Variants in CNTN4 observed in about 807,000 individuals in gnomAD.
The protein encoded by CNTN4 is contactin 4.
A neutral mutation model predicts 122.5 loss-of-function variants in CNTN4; 77 were observed. The observed-to-expected ratio is 0.63, with a 90% CI of 0.52 to 0.76. The LOEUF (loss-of-function observed/expected upper bound fraction) is 0.76, where lower values mean the gene tolerates loss of function less well. CNTN4 is among the 30% of genes least tolerant of loss of function. The pLI is 0.00. For synonymous variants in CNTN4, 512 were observed against 447.0 expected, an observed-to-expected ratio of 1.15 and a Z score of -1.83; for missense variants, 1,256 against 1,259.1, an observed-to-expected ratio of 1.00 and a Z score of 0.04.
chr3:2,235,439 A>G (rs1345174884), intron 2 of CNTN4, among the ~76,000 whole-genome samples: 1 of 152,146 alleles, frequency 6.6e-6, no homozygotes. Context: ...AAAAATTTTG[A>G]CATTTAACAC....
intron 4 of CNTN4, among the ~76,000 whole-genome samples, chr3:2,621,228 A>C (rs1411387151): frequency 1.3e-5 from 2 of 152,188 alleles, no homozygotes; most frequent in African/African-American, 2.4e-5. Context: ...AACATGCAGC[A>C]AGGGAACTAG....
chr3:2,840,236 GT>G (rs1326025230), intron 7 of CNTN4, among the ~76,000 whole-genome samples: 2 of 152,072 alleles, frequency 1.3e-5, no homozygotes, highest in African/African-American at 4.8e-5. Flanking sequence ...GGTTTCCAGG[GT>G]AACAAAGCCA....
At chr3:2,616,916 G>A (rs145039194) in intron 4 of CNTN4, among the ~76,000 whole-genome samples, 95 of 152,212 alleles carry the variant, frequency 6.2e-4, no homozygotes, top group African/African-American at 2.1e-3. Flanking sequence ...AATAAATGGT[G>A]CTGGGAAAAC....
intron 4 of CNTN4, among the ~76,000 whole-genome samples, chr3:2,681,706 T>C (rs1011410300): frequency 1.3e-5 from 2 of 152,090 alleles, no homozygotes; most frequent in Non-Finnish European, 2.9e-5. Context: ...TATATATTCA[T>C]GTATAAATAT....
intron 7 of CNTN4, among the ~76,000 whole-genome samples, chr3:2,835,461 T>C (rs2093205010): frequency 6.6e-6 from 1 of 152,190 alleles, no homozygotes; most frequent in African/African-American, 2.4e-5. Flanking sequence ...TATTTTCTCT[T>C]TAAGCACTTC....
At chr3:2,316,164 T>G (rs2043090683) in intron 2 of CNTN4, among the ~76,000 whole-genome samples, 1 of 152,074 alleles carries the variant, frequency 6.6e-6, no homozygotes, top group African/African-American at 2.4e-5. Context: ...TATGGTGAAA[T>G]GAACAAATTA....
intron 3 of CNTN4, among the ~76,000 whole-genome samples, chr3:2,380,738 A>G (rs549709842): frequency 6.6e-6 from 1 of 152,066 alleles, no homozygotes; most frequent in South Asian, 2.1e-4. Flanking sequence ...ATTTTACATA[A>G]GAACGAATAA....
intron 2 of CNTN4, among the ~76,000 whole-genome samples, chr3:2,294,978 T>C (rs1463689556): frequency 4.6e-5 from 7 of 152,124 alleles, no homozygotes; most frequent in African/African-American, 1.7e-4. Flanking sequence ...GTTTCCAATT[T>C]CATCCATGTC....
intron 6 of CNTN4, among the ~76,000 whole-genome samples, chr3:2,755,778 T>A (rs1187356403): frequency 6.6e-6 from 1 of 152,142 alleles, no homozygotes; most frequent in Non-Finnish European, 1.5e-5. Context: ...ATGATATATA[T>A]ATGAAAATTG....
intron 3 of CNTN4, among the ~76,000 whole-genome samples, chr3:2,429,883 A>T (rs559885455): frequency 9.0e-4 from 137 of 152,224 alleles, no homozygotes; most frequent in African/African-American, 3.2e-3. Context: ...CCTCCAAGCC[A>T]CGCGCGGGAT....
intron 2 of CNTN4, among the ~76,000 whole-genome samples, chr3:2,295,942 C>G (rs1005633459): frequency 2.6e-5 from 4 of 152,174 alleles, no homozygotes; most frequent in Non-Finnish European, 5.9e-5. Context: ...GGAATCCTTT[C>G]CGCATTTCTT....
chr3:2,597,891 A>T (rs1010260260), intron 4 of CNTN4, among the ~76,000 whole-genome samples: 1 of 152,198 alleles, frequency 6.6e-6, no homozygotes, highest in Non-Finnish European at 1.5e-5. Context: ...AACAATCTGT[A>T]TGTAGGAGGA....
chr3:2,685,437 T>C (rs1188842680), intron 4 of CNTN4, among the ~76,000 whole-genome samples: 1 of 152,178 alleles, frequency 6.6e-6, no homozygotes. Context: ...TTCTTGCATC[T>C]AGTTTTATTT....
At chr3:2,468,544 G>A (rs1330103327) in intron 3 of CNTN4, among the ~76,000 whole-genome samples, 1 of 152,144 alleles carries the variant, frequency 6.6e-6, no homozygotes, top group East Asian at 1.9e-4. Flanking sequence ...GATCTACAGA[G>A]AAGACTACAT....
At chr3:2,217,553 A>G (rs894558364) in intron 2 of CNTN4, among the ~76,000 whole-genome samples, 4 of 152,232 alleles carry the variant, frequency 2.6e-5, no homozygotes, top group African/African-American at 4.8e-5. Context: ...CAGGAGTACA[A>G]GATATTCCAA....
chr3:2,437,453 T>C (rs891376729), intron 3 of CNTN4, among the ~76,000 whole-genome samples: 1 of 152,200 alleles, frequency 6.6e-6, no homozygotes, highest in Non-Finnish European at 1.5e-5. Context: ...CCCTTTATAT[T>C]GTGAAATTTA....
At position 2,597,761 on chromosome 3, in the gene CNTN4, T is replaced by C. The variant is rs567817414; in HGVS notation, c.55+26203T>C. On this transcript the variant is annotated intron_variant, in intron 4 of 24. Transcript: ENST00000418658. ...TGAGAAAACTGGACTTTCTCAAGCC[T>C]GAGGTGTTGGATAATGACCTGACAG... Among the ~76,000 whole-genome samples, 6 of 152,276 alleles carry C rather than the reference T, an allele frequency of 3.9e-5. No individual in the cohort carries two copies. In the South Asian group the frequency reaches 1.2e-3, roughly 32 times the overall value.
intron 2 of CNTN4, among the ~76,000 whole-genome samples, chr3:2,305,716 G>A (rs2042678140): frequency 6.6e-6 from 1 of 152,102 alleles, no homozygotes; most frequent in Non-Finnish European, 1.5e-5. Flanking sequence ...AGATTGTGCA[G>A]CCATTATCAT....
intron 2 of CNTN4, among the ~76,000 whole-genome samples, chr3:2,266,493 C>G (rs2041056400): frequency 6.6e-6 from 1 of 152,010 alleles, no homozygotes; most frequent in African/African-American, 2.4e-5. Context: ...CTTTTTAACT[C>G]TTCCTAAAAA....
Sources: gnomAD v4.1 joint callset for allele counts (sites outside exome capture counted in the v4.1 genomes callset) on GRCh38, gnomAD v4.1.1 for gene constraint, MANE v1.5 for transcripts, NCBI Gene and HGNC (gene_info 2026-07-23, HGNC 2026-07-21) for gene names.